The following NRF1 variants were observed in gnomAD, a reference collection of about 807,000 sequenced individuals.
NRF1 encodes the protein nuclear respiratory factor 1.
Under a neutral mutation model 58.5 loss-of-function variants are expected in NRF1, and 5 were observed. That is an observed-to-expected ratio of 0.09 (90% CI 0.04 to 0.18). The LOEUF (loss-of-function observed/expected upper bound fraction) is 0.18. Among genes scored for constraint, NRF1 ranks in the 10% least tolerant of loss-of-function variants. NRF1 has a pLI of 1.00. For synonymous variants in NRF1, 224 were observed against 246.7 expected (o/e 0.91, Z 0.86); for missense variants, 288 against 657.7 (o/e 0.44, Z 6.15).
intron 5 of NRF1, among the ~76,000 whole-genome samples, chr7:129,702,415 G>A (rs1802847710): frequency 6.6e-6 from 1 of 152,084 alleles, no homozygotes; most frequent in Non-Finnish European, 1.5e-5. Context: ...TGCTCTTGTG[G>A]TTTCTATGGG....
At chr7:129,746,582 TG>T (rs769483618) in intron 10 of NRF1, among the ~76,000 whole-genome samples, 8 of 152,216 alleles carry the variant, frequency 5.3e-5, no homozygotes, top group Non-Finnish European at 7.3e-5. Context: ...CCTTCCTGCC[TG>T]TCACCCCTAG....
intron 4 of NRF1, among the ~76,000 whole-genome samples, chr7:129,681,229 G>T (rs1802300417): frequency 6.6e-6 from 1 of 152,194 alleles, no homozygotes; most frequent in Non-Finnish European, 1.5e-5. Context: ...AAACAATTCT[G>T]TCTTAGAGAT....
rs572248001 is a variant in NRF1 at position 129,735,775 on chromosome 7, G to A, written c.1348+8410G>A. On this transcript the variant is annotated intron_variant, in intron 10 of 10. Transcript: ENST00000393232. ...TGTAATCCCAGCACTTTGGGAGGCC[G>A]AGGCAGATGGATCACGAGGTCAGGA... Among the ~76,000 whole-genome samples the A allele has an allele frequency of 3.6e-3, 543 of 152,212 alleles. 1 individual carries two copies. The highest frequency in any genetic ancestry group is 8.7e-3 in the African/African-American group (361 of 41,524).
chr7:129,747,205 A>G (rs1440029316), intron 10 of NRF1, among the ~76,000 whole-genome samples: 1 of 152,158 alleles, frequency 6.6e-6, no homozygotes, highest in Non-Finnish European at 1.5e-5. Flanking sequence ...CTTAATATTG[A>G]GGAGTGGTTC....
At chr7:129,749,206 G>A (rs1804053747) in intron 10 of NRF1, among the ~76,000 whole-genome samples, 1 of 152,238 alleles carries the variant, frequency 6.6e-6, no homozygotes, top group Non-Finnish European at 1.5e-5. Context: ...TACAAAGGAA[G>A]GCAAGAGATG....
At chr7:129,737,666 G>C (rs1021118529) in intron 10 of NRF1, among the ~76,000 whole-genome samples, 13 of 152,150 alleles carry the variant, frequency 8.5e-5, no homozygotes, top group Non-Finnish European at 1.9e-4. Flanking sequence ...TTTAGGAACT[G>C]TATTATTGTT....
intron 1 of NRF1, among the ~76,000 whole-genome samples, chr7:129,652,843 T>TG (rs1562960416): frequency 6.6e-6 from 1 of 152,128 alleles, no homozygotes; most frequent in Non-Finnish European, 1.5e-5. Context: ...CTGCCTGCCT[T>TG]GGCCTCCCAA....
chr7:129,659,761 C>T (rs1260833688), intron 2 of NRF1, among the ~76,000 whole-genome samples: 1 of 152,208 alleles, frequency 6.6e-6, no homozygotes, highest in African/African-American at 2.4e-5. Flanking sequence ...TTTGCTTCTG[C>T]TGCATTCCAT....
intron 1 of NRF1, among the ~76,000 whole-genome samples, chr7:129,645,159 G>A (rs932916865): frequency 6.6e-6 from 1 of 151,878 alleles, no homozygotes; most frequent in Non-Finnish European, 1.5e-5. Flanking sequence ...TATATACCAT[G>A]TCCCCTTAAG....
chr7:129,730,111 C>CCTGT (rs1169095237), intron 10 of NRF1, among the ~76,000 whole-genome samples: 1 of 152,224 alleles, frequency 6.6e-6, no homozygotes, highest in Admixed American at 6.5e-5. Flanking sequence ...AGGCGTAAGC[C>CCTGT]ACTGTGCCGG....
chr7:129,705,383 C>T (rs1055083010), intron 5 of NRF1, among the ~76,000 whole-genome samples: 21 of 152,208 alleles, frequency 1.4e-4, no homozygotes, highest in Non-Finnish European at 2.4e-4. Context: ...CTCCGCCTCC[C>T]GGGATTAAGC....
intron 5 of NRF1, among the ~76,000 whole-genome samples, chr7:129,706,416 G>A (rs1219413848): frequency 1.3e-5 from 2 of 152,210 alleles, no homozygotes; most frequent in Non-Finnish European, 2.9e-5. Context: ...TAGAATAAAG[G>A]TGGGGCCGGA....
chr7:129,659,072 A>ATTTTT (rs1562962257), intron 2 of NRF1, among the ~76,000 whole-genome samples: 5 of 80,942 alleles, frequency 6.2e-5, no homozygotes, highest in South Asian at 4.2e-4. Flanking sequence ...ACACCACAGG[A>ATTTTT]CTTTTTTTTT....
At chr7:129,703,074 C>A (rs1342027752) in intron 5 of NRF1, among the ~76,000 whole-genome samples, 1 of 151,960 alleles carries the variant, frequency 6.6e-6, no homozygotes, top group African/African-American at 2.4e-5. Context: ...TTTAGAGAAC[C>A]TTTTATTTTA....
chr7:129,698,268 AC>A (rs1427790109), intron 5 of NRF1, among the ~76,000 whole-genome samples: 1 of 136,548 alleles, frequency 7.3e-6, no homozygotes, highest in Non-Finnish European at 1.5e-5. Flanking sequence ...TATTATTATA[AC>A]TATATTAAAG....
In NRF1 at chr7:129,651,419, C is replaced by CAA. The variant is rs11319951; in HGVS notation, c.-6-5912_-6-5911dup. Among the ~76,000 whole-genome samples, 320 of 133,784 alleles carry CAA rather than the reference C, an allele frequency of 2.4e-3. 2 individuals are homozygous for CAA. The highest frequency in any genetic ancestry group is 2.7e-3 in the South Asian group (11 of 4,026). 87.8% of individuals were successfully genotyped at this position (133,784 alleles called of 152,430 possible). On this transcript the variant is annotated intron_variant, in intron 1 of 10. Transcript: ENST00000393232. ...TGGGCAACAGAGTGAGACTCTGTCT[C>CAA]AAAAAAAAAAAAAAAATGGTTAGAG...
rs371605412 is a variant in NRF1, at chr7:129,743,823, G to A, written c.1349-11195G>A. On this transcript the variant is annotated intron_variant, in intron 10 of 10. Transcript: ENST00000393232. Reference sequence around the variant, plus strand: ...TCCTCTGCCCCCCGACCCAGCTGCTGGGTACTTAGGGAATACAAATTAGTT... The same window carrying A: ...TCCTCTGCCCCCCGACCCAGCTGCTAGGTACTTAGGGAATACAAATTAGTT... Among the ~76,000 whole-genome samples the A allele has an allele frequency of 3.8e-4, 58 of 152,302 alleles. No individual in the cohort carries two copies. In the South Asian group the frequency reaches 0.012, roughly 30 times the overall value.
intron 1 of NRF1, among the ~76,000 whole-genome samples, chr7:129,630,996 G>A (rs1185671493): frequency 6.6e-6 from 1 of 152,062 alleles, no homozygotes; most frequent in Non-Finnish European, 1.5e-5. Context: ...ACCAGTAAAT[G>A]AAACACTCAT....
At position 129,625,742 on chromosome 7, in the gene NRF1, T is replaced by C. The variant is rs1044581405; in HGVS notation, c.-7+13918T>C. 6.1e-5 allele frequency among the ~76,000 whole-genome samples: 8 copies of C among 131,268 alleles called. No individual in the cohort carries two copies. In the Admixed American group the frequency reaches 6.9e-4, roughly 11 times the overall value. 86.1% of individuals were successfully genotyped at this position (131,268 alleles called of 152,430 possible). A position where few individuals can be genotyped will look rare whatever the true frequency, so the allele number is the denominator to read the frequency against. ...TGTTGCCCAGGCTGGAGTGCAGTGGTGCGATCTCAGCTCACTGCAAGCTCT... is the reference window on the plus strand; with the variant it reads ...TGTTGCCCAGGCTGGAGTGCAGTGGCGCGATCTCAGCTCACTGCAAGCTCT... On this transcript the variant is annotated intron_variant, in intron 1 of 10. Transcript: ENST00000393232.
Sources: allele counts gnomAD v4.1 joint callset (sites outside exome capture counted in the v4.1 genomes callset), GRCh38; gene constraint gnomAD v4.1.1; transcripts MANE v1.5; gene names NCBI Gene and HGNC (gene_info 2026-07-23, HGNC 2026-07-21).